NAALADL2: variants seen among roughly 807,000 people sequenced by gnomAD.
NAALADL2 encodes the protein inactive N-acetylated-alpha-linked acidic dipeptidase-like protein 2.
NAALADL2 carries 76 observed loss-of-function variants against 87.2 expected under a neutral mutation model. The observed-to-expected ratio is 0.87, with a 90% CI of 0.72 to 1.05. The LOEUF (loss-of-function observed/expected upper bound fraction) is 1.05, where lower values mean the gene tolerates loss of function less well. Among genes scored for constraint, NAALADL2 ranks in the 50% least tolerant of loss-of-function variants. The pLI is 0.00. For synonymous variants in NAALADL2, 354 were observed against 331.0 expected (o/e 1.07, Z -0.75); for missense variants, 1,089 against 945.8 (o/e 1.15, Z -1.99).
chr3:175,463,859 AT>A (rs1397969932), intron 7 of NAALADL2, among the ~76,000 whole-genome samples: 1 of 152,092 alleles, frequency 6.6e-6, no homozygotes, highest in African/African-American at 2.4e-5. Context: ...TGAAAATTTT[AT>A]TTTGATCAAG....
chr3:175,273,135 T>C (rs1245782179), intron 4 of NAALADL2, among the ~76,000 whole-genome samples: 2 of 152,104 alleles, frequency 1.3e-5, no homozygotes, highest in East Asian at 3.8e-4. Flanking sequence ...TGCAAAACAT[T>C]AGGTTTCATG....
intron 1 of NAALADL2, among the ~76,000 whole-genome samples, chr3:174,887,004 T>C (rs957786621): frequency 1.3e-5 from 2 of 152,232 alleles, no homozygotes; most frequent in African/African-American, 4.8e-5. Flanking sequence ...GCTGTATTTC[T>C]ACTCTAATAA....
chr3:175,122,543 G>A (rs1196655547), intron 2 of NAALADL2, among the ~76,000 whole-genome samples: 2 of 151,800 alleles, frequency 1.3e-5, no homozygotes, highest in African/African-American at 2.4e-5. Context: ...AGGCAAGAAA[G>A]GGAGCTATGA....
At chr3:174,566,495 T>G (rs2108523511) in intron 2 of NAALADL2, among the ~76,000 whole-genome samples, 1 of 151,966 alleles carries the variant, frequency 6.6e-6, no homozygotes, top group South Asian at 2.1e-4. Context: ...AAGCATGTAT[T>G]CTTTTAATTG....
At chr3:175,413,683 G>T (rs184945745) in intron 5 of NAALADL2, among the ~76,000 whole-genome samples, 1 of 152,042 alleles carries the variant, frequency 6.6e-6, no homozygotes, top group Admixed American at 6.6e-5. Flanking sequence ...GCAGCCTCCA[G>T]TTTCACTACC....
intron 5 of NAALADL2, among the ~76,000 whole-genome samples, chr3:175,382,207 A>T (rs1767866356): frequency 6.6e-6 from 1 of 152,160 alleles, no homozygotes; most frequent in African/African-American, 2.4e-5. Flanking sequence ...AAATAGAAAA[A>T]TAAATGAAGT....
chr3:174,999,374 G>T (rs1275616518), intron 1 of NAALADL2, among the ~76,000 whole-genome samples: 1 of 152,056 alleles, frequency 6.6e-6, no homozygotes, highest in Non-Finnish European at 1.5e-5. Flanking sequence ...TTTATTTTTA[G>T]AATTGTCTTT....
chr3:174,873,926 T>C (rs1579299274), intron 1 of NAALADL2, among the ~76,000 whole-genome samples: 2 of 152,102 alleles, frequency 1.3e-5, no homozygotes, highest in Admixed American at 1.3e-4. Context: ...GAAAAGGGTA[T>C]TTCAAGAATA....
At chr3:174,988,080 A>T (rs1170070709) in intron 1 of NAALADL2, among the ~76,000 whole-genome samples, 1 of 152,104 alleles carries the variant, frequency 6.6e-6, no homozygotes, top group Non-Finnish European at 1.5e-5. Flanking sequence ...AAGTTATGTG[A>T]TCTCCGAGGA....
At chr3:175,366,440 T>A (rs1207848501) in intron 5 of NAALADL2, among the ~76,000 whole-genome samples, 1 of 151,800 alleles carries the variant, frequency 6.6e-6, no homozygotes, top group East Asian at 1.9e-4. Context: ...CCACACTGAC[T>A]TCCACAACGG....
In NAALADL2 at chr3:174,695,128, A is replaced by T. The variant is rs532744334; in HGVS notation, c.-114-42513A>T. Among the ~76,000 whole-genome samples, 7 of 152,184 alleles carry T rather than the reference A, an allele frequency of 4.6e-5. No homozygotes were observed. The South Asian group carries it at 1.4e-3, about 31-fold the overall frequency. On this transcript the variant is annotated intron_variant, in intron 2 of 3. Coordinates refer to the NAALADL2 transcript ENST00000434257. ...CCATGTCACTTAGGTATAAGATTCA[A>T]AAGCTAAAATATATTTATTCAATAA...
chr3:175,526,868 G>A (rs991130012), intron 9 of NAALADL2, among the ~76,000 whole-genome samples: 3 of 152,018 alleles, frequency 2.0e-5, no homozygotes, highest in Non-Finnish European at 4.4e-5. Flanking sequence ...TCAGAAATTA[G>A]AGCATTTAGC....
At chr3:174,717,935 G>A (rs1731350431) in intron 2 of NAALADL2, among the ~76,000 whole-genome samples, 1 of 152,066 alleles carries the variant, frequency 6.6e-6, no homozygotes, top group Non-Finnish European at 1.5e-5. Flanking sequence ...AGACTAGCCT[G>A]ACCAACATGG....
intron 1 of NAALADL2, among the ~76,000 whole-genome samples, chr3:175,075,414 C>T (rs576680299): frequency 3.9e-5 from 6 of 152,276 alleles, no homozygotes; most frequent in Admixed American, 1.3e-4. Context: ...AAACATTTTA[C>T]ATTCAGAGGA....
chr3:174,644,300 T>G lies in NAALADL2; in HGVS notation c.-114-93341T>G, dbSNP rs76661221. On this transcript the variant is annotated intron_variant, in intron 2 of 3. Coordinates refer to the NAALADL2 transcript ENST00000434257. ...ATTAATACCTAACTTGTATGTTACA[T>G]CTATTATATACCATATTCTTACAAT... Among the ~76,000 whole-genome samples the G allele has an allele frequency of 9.9e-3, 1,502 of 152,296 alleles. 46 individuals are homozygous for G. Among genetic ancestry groups the G allele is most frequent in the East Asian group, 0.088 (457 of 5,182 alleles).
At chr3:174,534,063 A>G (rs928211833) in intron 1 of NAALADL2, among the ~76,000 whole-genome samples, 2 of 152,184 alleles carry the variant, frequency 1.3e-5, no homozygotes, top group Non-Finnish European at 2.9e-5. Flanking sequence ...ATATTTTAAT[A>G]TTGCACATTA....
chr3:175,760,894 T>C (rs746928911), intron 13 of NAALADL2, among the ~76,000 whole-genome samples: 3 of 152,128 alleles, frequency 2.0e-5, no homozygotes, highest in Non-Finnish European at 4.4e-5. Flanking sequence ...TTAAAGCAGG[T>C]TTAGGCTTAG....
At chr3:174,788,078 G>C (rs1965413) in intron 3 of NAALADL2, among the ~76,000 whole-genome samples, 38,612 of 151,962 alleles carry the variant, frequency 0.25, 5,500 homozygotes, top group Middle Eastern at 0.32. Context: ...CTCTAGAGAA[G>C]ACTCAAAAAG....
At chr3:175,344,479 C>T (rs1762925076) in intron 5 of NAALADL2, among the ~76,000 whole-genome samples, 1 of 151,546 alleles carries the variant, frequency 6.6e-6, no homozygotes, top group Non-Finnish European at 1.5e-5. Flanking sequence ...TGCAAGAAAC[C>T]TGCCTTCTGC....
Sources: gnomAD v4.1 joint callset for allele counts (sites outside exome capture counted in the v4.1 genomes callset) on GRCh38, gnomAD v4.1.1 for gene constraint, MANE v1.5 for transcripts, NCBI Gene and HGNC (gene_info 2026-07-23, HGNC 2026-07-21) for gene names.